Variants in LMO7 observed in about 807,000 individuals in gnomAD.
The protein encoded by LMO7 is LIM domain only protein 7.
LMO7 carries 120 observed loss-of-function variants against 206.5 expected under a neutral mutation model. The ratio of observed to expected loss-of-function variants is 0.58; its 90% CI spans 0.50 to 0.68. The LOEUF is 0.68. Among genes scored for constraint, LMO7 ranks in the 30% least tolerant of loss-of-function variants. The pLI, the probability that LMO7 is intolerant of heterozygous loss-of-function variation, is 0.00. For missense variants in LMO7, 1,959 were observed against 1,957.9 expected (o/e 1.00, Z -0.01); for synonymous variants, 706 against 681.5 (o/e 1.04, Z -0.56).
At chr13:75,685,952 A>G (rs1010590274) in intron 1 of LMO7, among the ~76,000 whole-genome samples, 9 of 145,858 alleles carry the variant, frequency 6.2e-5, no homozygotes, top group South Asian at 2.2e-4. Flanking sequence ...CAGTGGCCCA[A>G]TCATAGCCTA....
Position 75,846,163 on chromosome 13 carries a change from T to A in LMO7, c.4150+784T>A, listed in dbSNP as rs58875660. On this transcript the variant is annotated intron_variant, in intron 26 of 30. Transcript: ENST00000377534. ...TTCATGTGCTGACAAGAGATTTTTT[T>A]AAAAAACTAAAATGCCCTGTGAGCA... 9.3e-3 allele frequency among the ~76,000 whole-genome samples: 1,410 copies of A among 152,272 alleles called. 29 individuals are homozygous for A. The East Asian group carries it at 0.096, about 10-fold the overall frequency.
chr13:75,682,578 G>A (rs1272194972), intron 1 of LMO7, among the ~76,000 whole-genome samples: 2 of 152,114 alleles, frequency 1.3e-5, no homozygotes, highest in African/African-American at 4.8e-5. Context: ...GGAAAGGGGA[G>A]GGTGGTGGCC....
chr13:75,733,632 A>G (rs902440396), intron 3 of LMO7, among the ~76,000 whole-genome samples: 1 of 118,132 alleles, frequency 8.5e-6, no homozygotes, highest in African/African-American at 3.3e-5. Context: ...CACTGCACCC[A>G]CTGTCCTGCG....
At chr13:75,791,935 G>C (rs954668077) in intron 4 of LMO7, among the ~76,000 whole-genome samples, 4 of 151,894 alleles carry the variant, frequency 2.6e-5, no homozygotes, top group Non-Finnish European at 5.9e-5. Context: ...TGCAGGTATG[G>C]GTTCTTTGTT....
At chr13:75,648,184 G>A (rs2037227863) in intron 1 of LMO7, among the ~76,000 whole-genome samples, 1 of 152,092 alleles carries the variant, frequency 6.6e-6, no homozygotes, top group Admixed American at 6.5e-5. Context: ...CTGGCCTTCA[G>A]CGATCCTCCC....
At chr13:75,632,216 G>A (rs1224301003), upstream of LMO7, 1 of 152,062 alleles carries the variant, frequency 6.6e-6, no homozygotes, top group Non-Finnish European at 1.5e-5. Flanking sequence ...TTTCCAGAAG[G>A]GTAAAACATT....
At chr13:75,711,252 A>G (rs1423229877) in intron 1 of LMO7, among the ~76,000 whole-genome samples, 1 of 152,162 alleles carries the variant, frequency 6.6e-6, no homozygotes, top group Non-Finnish European at 1.5e-5. Flanking sequence ...ATATTGGTCT[A>G]AAATTCTCTT....
chr13:75,840,172 C>T (rs561722034), intron 21 of LMO7, 62 bp downstream of exon 21: 21 of 1,486,802 alleles, frequency 1.4e-5, no homozygotes, highest in South Asian at 4.6e-5. Context: ...ATTAGTACAC[C>T]GTAGCATGCT....
intron 1 of LMO7, among the ~76,000 whole-genome samples, chr13:75,690,112 C>G (rs1317037657): frequency 6.8e-6 from 1 of 147,338 alleles, no homozygotes; most frequent in Admixed American, 6.8e-5. Context: ...TTTTATTTTA[C>G]TTTTAGAGAT....
At chr13:75,840,976 G>C (rs2059516286) in intron 22 of LMO7, 133 bp from the exon 23 acceptor site, 2 of 625,774 alleles carry the variant, frequency 3.2e-6, no homozygotes, top group East Asian at 5.7e-5. Flanking sequence ...AAATCTGATT[G>C]GCTTATGAAA....
In LMO7 at chr13:75,778,826, A is replaced by G. The variant is rs77730535; in HGVS notation, c.318-16575A>G. 4.5e-4 allele frequency among the ~76,000 whole-genome samples: 69 copies of G among 152,314 alleles called. 1 individual carries two copies. The East Asian group carries it at 0.01, about 22-fold the overall frequency. On this transcript the variant is annotated intron_variant, in intron 4 of 30. Transcript: ENST00000377534. ...ATTGCTAGGGCAAGGGCTTTCAATC[A>G]TTAGCATGCATCAGAATTACCTGCA...
At chr13:75,748,993 G>C (rs949512170) in intron 3 of LMO7, among the ~76,000 whole-genome samples, 5 of 151,926 alleles carry the variant, frequency 3.3e-5, no homozygotes, top group African/African-American at 1.2e-4. Flanking sequence ...TTTTTGTAGA[G>C]ATGAGGTCTC....
chr13:75,726,388 T>G (rs1438675867), intron 2 of LMO7, among the ~76,000 whole-genome samples: 1 of 152,034 alleles, frequency 6.6e-6, no homozygotes, highest in Non-Finnish European at 1.5e-5. Context: ...CATATTAACT[T>G]AAACTGGTTC....
At chr13:75,735,604 GGC>G (rs1413501239) in intron 3 of LMO7, among the ~76,000 whole-genome samples, 26 of 151,778 alleles carry the variant, frequency 1.7e-4, no homozygotes, top group Non-Finnish European at 2.6e-4. Flanking sequence ...TGGGACTACA[GGC>G]GCGCGGCACC....
intron 1 of LMO7, among the ~76,000 whole-genome samples, chr13:75,673,602 T>C (rs1191174485): frequency 6.6e-6 from 1 of 152,180 alleles, no homozygotes. Flanking sequence ...TTGGGACTGG[T>C]CTTTAGCTGT....
chr13:75,760,705 G>GTGT, intron 3 of LMO7: 1 of 1,532,166 alleles, frequency 6.5e-7, no homozygotes. Context: ...CACAGAAACA[G>GTGT]TGTATGCCCG....
chr13:75,754,885 T>G (rs776987723), intron 3 of LMO7, among the ~76,000 whole-genome samples: 8 of 152,244 alleles, frequency 5.3e-5, no homozygotes, highest in Non-Finnish European at 1.2e-4. Flanking sequence ...TCATTAACAC[T>G]CTTTTCAGGA....
At chr13:75,665,126 T>G (rs927060407) in intron 1 of LMO7, among the ~76,000 whole-genome samples, 5 of 152,142 alleles carry the variant, frequency 3.3e-5, no homozygotes, top group African/African-American at 1.2e-4. Flanking sequence ...CTGACTGTTT[T>G]ATAGTTAGTT....
intron 3 of LMO7, among the ~76,000 whole-genome samples, chr13:75,732,689 A>T (rs1001439905): frequency 5.9e-5 from 9 of 152,202 alleles, no homozygotes; most frequent in African/African-American, 1.7e-4. Flanking sequence ...TCTTTGGAGG[A>T]GGAGAGGCGC....
Sources: allele counts gnomAD v4.1 joint callset (sites outside exome capture counted in the v4.1 genomes callset), GRCh38; gene constraint gnomAD v4.1.1; transcripts MANE v1.5; gene names NCBI Gene and HGNC (gene_info 2026-07-23, HGNC 2026-07-21).